The following ADGRB1 variants were observed in gnomAD, a reference collection of about 807,000 sequenced individuals.
The protein encoded by ADGRB1 is brain-specific angiogenesis inhibitor 1.
ADGRB1 carries 36 observed loss-of-function variants against 175.7 expected under a neutral mutation model. The observed-to-expected ratio is 0.20, with a 90% CI of 0.16 to 0.27. The LOEUF (loss-of-function observed/expected upper bound fraction) is 0.27. Among genes scored for constraint, ADGRB1 ranks in the 10% least tolerant of loss-of-function variants. The pLI is 1.00. For missense variants in ADGRB1, 1,731 were observed against 2,255.3 expected (o/e 0.77, Z 4.71); for synonymous variants, 1,054 against 979.4 (o/e 1.08, Z -1.42).
chr8:142,456,438 C>T (rs2131629702), intron 1 of ADGRB1, among the ~76,000 whole-genome samples: 1 of 152,288 alleles, frequency 6.6e-6, no homozygotes, highest in Admixed American at 6.5e-5. Flanking sequence ...CACACACTTC[C>T]TCACCCCCCC....
chr8:142,536,897 C>T (rs1208969609), intron 25 of ADGRB1, 90 bp from the exon 26 acceptor site: 7 of 1,146,562 alleles, frequency 6.1e-6, no homozygotes, highest in Non-Finnish European at 8.4e-6. Flanking sequence ...CCGAGACGCC[C>T]GCCCCCCCAC....
rs1393894197 is a variant in ADGRB1 at position 142,493,681 on chromosome 8, CCT to C, written c.2675+2867_2675+2868del. On this transcript the variant is annotated intron_variant, in intron 17 of 30. Coordinates refer to ENST00000517894, the MANE Select transcript of ADGRB1 (RefSeq NM_001702.3). This position sits in a 1 kb window ranked among gnomAD's most constrained non-coding sequence, Gnocchi z 5.0. ...CCTGCTGCCTGTGAGGAGCTGAGGCCCTGAGACTCCTACAGTCCCGCTGAAAG... is the reference window on the plus strand; with the variant it reads ...CCTGCTGCCTGTGAGGAGCTGAGGCCGAGACTCCTACAGTCCCGCTGAAAG... Among the ~76,000 whole-genome samples the C allele has an allele frequency of 6.6e-6, 1 of 152,242 alleles. No individual in the cohort carries two copies. The highest frequency in any genetic ancestry group is 1.5e-5 in the Non-Finnish European group (1 of 68,038).
chr8:142,505,704 C>T (rs996896023), intron 17 of ADGRB1, among the ~76,000 whole-genome samples: 20 of 152,170 alleles, frequency 1.3e-4, no homozygotes, highest in African/African-American at 4.8e-4. Context: ...GAAGAGGGAA[C>T]CGCTGGAGGG....
intron 25 of ADGRB1, among the ~76,000 whole-genome samples, chr8:142,534,560 G>T (rs1000348547): frequency 6.6e-6 from 1 of 152,200 alleles, no homozygotes; most frequent in Non-Finnish European, 1.5e-5. Flanking sequence ...CTGACTTCGA[G>T]GAAAGACAAG....
chr8:142,474,253 CCCTGGGGCCTCCCCTGCTGTA>C lies in ADGRB1; in HGVS notation c.785-1214_785-1194del, dbSNP rs1840815063. ...GGCCTGTGCTTGGCCTGATTGCTGCCCCTGGGGCCTCCCCTGCTGTACCTGGGATCGAGCTGCCGGATCCCC... is the reference window on the plus strand; with the variant it reads ...GGCCTGTGCTTGGCCTGATTGCTGCCCCTGGGATCGAGCTGCCGGATCCCC... On this transcript the variant is annotated intron_variant, in intron 2 of 30. Coordinates refer to ENST00000517894, the MANE Select transcript of ADGRB1 (RefSeq NM_001702.3). The surrounding 1 kb of genome is among the most constrained non-coding windows in gnomAD (Gnocchi z 5.8). Among the ~76,000 whole-genome samples the C allele has an allele frequency of 6.6e-6, 1 of 152,078 alleles. No individual in the cohort carries two copies. Among genetic ancestry groups the C allele is most frequent in the African/African-American group, 2.4e-5 (1 of 41,414 alleles).
chr8:142,450,772 C>G (rs766271716), intron 1 of ADGRB1, among the ~76,000 whole-genome samples: 6 of 152,196 alleles, frequency 3.9e-5, no homozygotes, highest in Non-Finnish European at 8.8e-5. Context: ...TACTCTCCCC[C>G]ACTTCGGGCG....
chr8:142,487,984 G>A (rs1028505065), intron 13 of ADGRB1, among the ~76,000 whole-genome samples: 1 of 152,200 alleles, frequency 6.6e-6, no homozygotes, highest in African/African-American at 2.4e-5. Context: ...GGAGTGGGGG[G>A]CGCTGAGGAG....
chr8:142,536,702 C>T (rs1039571691), intron 25 of ADGRB1, among the ~76,000 whole-genome samples: 7 of 151,610 alleles, frequency 4.6e-5, no homozygotes, highest in Non-Finnish European at 8.8e-5. Context: ...CAGGCGGACT[C>T]TGGCCCGAGG....
At chr8:142,508,168 G>A (rs543722048) in intron 17 of ADGRB1, among the ~76,000 whole-genome samples, 10 of 152,332 alleles carry the variant, frequency 6.6e-5, no homozygotes, top group Non-Finnish European at 1.3e-4. Flanking sequence ...TCCCAAGCCA[G>A]GAAATAAACT....
chr8:142,462,006 A>C (rs1185125424), intron 1 of ADGRB1, among the ~76,000 whole-genome samples: 1 of 151,808 alleles, frequency 6.6e-6, no homozygotes, highest in Non-Finnish European at 1.5e-5. Flanking sequence ...TCTCCATGAG[A>C]TGGTGAGGGG....
intron 30 of ADGRB1, 115 bp from the exon 31 acceptor site, chr8:142,544,104 TC>T: frequency 8.9e-7 from 1 of 1,120,546 alleles, no homozygotes; most frequent in Non-Finnish European, 1.3e-6. Flanking sequence ...CTGTCCCCTG[TC>T]CCCCACCTCC....
At chr8:142,477,332 G>T in intron 5 of ADGRB1, 53 bp from the exon 6 acceptor site, 3 of 1,590,164 alleles carry the variant, frequency 1.9e-6, no homozygotes, top group Non-Finnish European at 1.7e-6. Context: ...GGGGGGCCAG[G>T]GCAGCGGGGG....
chr8:142,482,693 T>G (rs1009540446), intron 11 of ADGRB1, among the ~76,000 whole-genome samples: 14 of 149,582 alleles, frequency 9.4e-5, no homozygotes, highest in Non-Finnish European at 1.9e-4. Context: ...ACCCTGGCCC[T>G]GGTCACACAC....
At chr8:142,519,748 TG>T (rs900166389) in intron 19 of ADGRB1, among the ~76,000 whole-genome samples, 4 of 149,874 alleles carry the variant, frequency 2.7e-5, no homozygotes, top group African/African-American at 9.8e-5. Flanking sequence ...GTGGTAGTGA[TG>T]GTGGTAATGG....
At chr8:142,480,715 C>T (rs1192076248) in intron 9 of ADGRB1, among the ~76,000 whole-genome samples, 2 of 152,206 alleles carry the variant, frequency 1.3e-5, no homozygotes, top group African/African-American at 4.8e-5. Flanking sequence ...GTGGCTGCCG[C>T]CACCCTGTAA....
chr8:142,452,366 G>C (rs1232234051), intron 1 of ADGRB1, among the ~76,000 whole-genome samples: 2 of 152,204 alleles, frequency 1.3e-5, no homozygotes, highest in African/African-American at 4.8e-5. Flanking sequence ...TGTTCCTGCC[G>C]GGGTCCCGCG....
intron 22 of ADGRB1, 110 bp from the exon 23 acceptor site, chr8:142,524,128 C>T: frequency 8.1e-7 from 1 of 1,233,346 alleles, no homozygotes; most frequent in Non-Finnish European, 1.1e-6. Flanking sequence ...TAATAAGTGC[C>T]AGTTTTCTTC....
chr8:142,502,662 A>ATGTTGGGGC (rs150118167), intron 17 of ADGRB1, among the ~76,000 whole-genome samples: 2 of 148,434 alleles, frequency 1.3e-5, no homozygotes, highest in African/African-American at 5.1e-5. Context: ...GGTGATGGTG[A>ATGTTGGGGC]TGGTGGTAGT....
At chr8:142,506,392 C>G (rs1449366413) in intron 17 of ADGRB1, among the ~76,000 whole-genome samples, 1 of 152,230 alleles carries the variant, frequency 6.6e-6, no homozygotes, top group African/African-American at 2.4e-5. Context: ...CCCTGCTCAG[C>G]TGGTCCTGGG....
Sources: gnomAD v4.1 joint callset for allele counts (sites outside exome capture counted in the v4.1 genomes callset) on GRCh38, gnomAD v4.1.1 for gene constraint, Gnocchi (gnomAD v3.1) non-coding constraint, MANE v1.5 for transcripts, NCBI Gene and HGNC (gene_info 2026-07-23, HGNC 2026-07-21) for gene names.